ADAD1: variants seen among roughly 807,000 people sequenced by gnomAD.
ADAD1 encodes adenosine deaminase domain containing 1, also known as adenosine deaminase domain-containing protein 1.
ADAD1 carries 46 observed loss-of-function variants against 66.8 expected under a neutral mutation model. That is an observed-to-expected ratio of 0.69 (90% confidence interval 0.54 to 0.88). ADAD1 has a LOEUF of 0.88. Among genes scored for constraint, ADAD1 ranks in the 40% least tolerant of loss-of-function variants. The pLI is 0.00. For synonymous variants in ADAD1, 248 were observed against 229.4 expected (o/e 1.08, Z -0.73); for missense variants, 617 against 681.8 (o/e 0.91, Z 1.06).
intron 7 of ADAD1, among the ~76,000 whole-genome samples, chr4:122,406,089 T>G (rs972283340): frequency 1.3e-5 from 2 of 152,222 alleles, no homozygotes; most frequent in Non-Finnish European, 2.9e-5. Context: ...TTTGGATATA[T>G]ACACAGAAGT....
chr4:122,407,531 A>G (rs997919827), intron 7 of ADAD1, among the ~76,000 whole-genome samples: 5 of 152,198 alleles, frequency 3.3e-5, no homozygotes, highest in African/African-American at 1.2e-4. Flanking sequence ...AGAGGCATTA[A>G]ATATAGATAA....
At chr4:122,394,544 G>A (rs6834379) in intron 6 of ADAD1, among the ~76,000 whole-genome samples, 7,496 of 152,214 alleles carry the variant, frequency 0.049, 261 homozygotes, top group Non-Finnish European at 0.074. Flanking sequence ...GTGTGCTTGC[G>A]TGAAGTAAAA....
At chr4:122,411,087 T>C (rs1796445066) in intron 8 of ADAD1, 135 bp from the exon 9 acceptor site, 1 of 643,664 alleles carries the variant, frequency 1.6e-6, no homozygotes, top group South Asian at 2.8e-5. Flanking sequence ...AAGCTAAGAT[T>C]GATTTAGGAG....
chr4:122,415,688 C>T, intron 11 of ADAD1, 72 bp downstream of exon 11: 1 of 1,305,368 alleles, frequency 7.7e-7, no homozygotes, highest in Non-Finnish European at 1.1e-6. Context: ...AGTTTTTATT[C>T]TGACTCTTTT....
chr4:122,397,560 A>G (rs1345288385), intron 7 of ADAD1, among the ~76,000 whole-genome samples: 3 of 152,234 alleles, frequency 2.0e-5, no homozygotes, highest in Non-Finnish European at 2.9e-5. Context: ...TATTTAAACA[A>G]TAATTGACAA....
chr4:122,392,408 A>G (rs533750509), intron 5 of ADAD1, among the ~76,000 whole-genome samples: 3 of 152,334 alleles, frequency 2.0e-5, no homozygotes, highest in African/African-American at 4.8e-5. Flanking sequence ...AGCAACATGG[A>G]TGGAGCTGGA....
intron 10 of ADAD1, among the ~76,000 whole-genome samples, chr4:122,414,713 T>C (rs1198475655): frequency 6.6e-6 from 1 of 152,136 alleles, no homozygotes; most frequent in East Asian, 1.9e-4. Flanking sequence ...AGAGATATGC[T>C]TTAGAATTAC....
At chr4:122,396,921 C>G (rs934943473) in intron 7 of ADAD1, among the ~76,000 whole-genome samples, 5 of 151,834 alleles carry the variant, frequency 3.3e-5, no homozygotes, top group African/African-American at 1.2e-4. Context: ...ATATACTAGT[C>G]GAAAGTCTAA....
chr4:122,380,374 T>C (rs572034806), intron 3 of ADAD1, 133 bp downstream of exon 3: 6 of 1,083,030 alleles, frequency 5.5e-6, no homozygotes. Flanking sequence ...TACCTGGAGC[T>C]GGCATCTGAC....
intron 7 of ADAD1, among the ~76,000 whole-genome samples, chr4:122,400,629 G>A (rs943787494): frequency 2.0e-5 from 3 of 151,924 alleles, no homozygotes; most frequent in African/African-American, 4.8e-5. Context: ...GAATCTGTTC[G>A]GTTGCGAACT....
intron 12 of ADAD1, among the ~76,000 whole-genome samples, chr4:122,426,722 G>A (rs1797253327): frequency 6.6e-6 from 1 of 152,184 alleles, no homozygotes; most frequent in Non-Finnish European, 1.5e-5. Context: ...ATAAATTCAA[G>A]TTTAAAATTT....
At chr4:122,415,260 G>T in intron 10 of ADAD1, 119 bp from the exon 11 acceptor site, 1 of 728,002 alleles carries the variant, frequency 1.4e-6, no homozygotes. Flanking sequence ...CTAGGAAAGG[G>T]AAGGTTGAAA....
intron 5 of ADAD1, among the ~76,000 whole-genome samples, chr4:122,388,814 A>T (rs149516901): frequency 6.6e-6 from 1 of 152,214 alleles, no homozygotes; most frequent in African/African-American, 2.4e-5. Context: ...CAAAGAAAAA[A>T]AACAGCTTCT....
intron 5 of ADAD1, among the ~76,000 whole-genome samples, chr4:122,384,620 G>T (rs1795071337): frequency 6.6e-6 from 1 of 152,134 alleles, no homozygotes; most frequent in African/African-American, 2.4e-5. Context: ...TTGAACTCAA[G>T]TTAAAACATA....
At chr4:122,384,639 A>G (rs778019945) in intron 5 of ADAD1, among the ~76,000 whole-genome samples, 134 of 152,328 alleles carry the variant, frequency 8.8e-4, no homozygotes, top group Non-Finnish European at 9.4e-4. Context: ...TACCTATAGA[A>G]TTTCCTAAGC....
At chr4:122,383,663 A>G in intron 4 of ADAD1, 136 bp from the exon 5 acceptor site, 6 of 980,628 alleles carry the variant, frequency 6.1e-6, no homozygotes, top group Non-Finnish European at 8.9e-6. Context: ...TTGGTCCTAC[A>G]AAAGGACTTG....
intron 7 of ADAD1, among the ~76,000 whole-genome samples, chr4:122,401,480 G>C (rs1359248157): frequency 6.6e-6 from 1 of 152,062 alleles, no homozygotes; most frequent in Non-Finnish European, 1.5e-5. Flanking sequence ...GCAGTTGTTG[G>C]ATAGAATGTT....
chr4:122,407,931 A>G lies in ADAD1; in HGVS notation c.748A>G (p.Ile250Val), dbSNP rs746305813. The stretch of plus-strand genomic sequence containing the variant: ...AGCTGGACAACATGAGGTTGTAGCT[A>G]TAGGCACAGGTGAATACAATTACAG... ...ERAGQHEVVA[I>V]GTGEYNYSQD... Residue 250 changes from isoleucine (I) to valine (V), a missense_variant, in exon 8 of 13, where the codon ATA becomes GTA. Transcript: ENST00000296513. 9.3e-6 allele frequency: 15 copies of G among 1,613,558 alleles called. No homozygotes were observed. Among genetic ancestry groups the G allele is most frequent in the East Asian group, 2.2e-5 (1 of 44,836 alleles).
At chr4:122,395,907 G>C (rs1363634054) in intron 6 of ADAD1, among the ~76,000 whole-genome samples, 1 of 152,216 alleles carries the variant, frequency 6.6e-6, no homozygotes, top group African/African-American at 2.4e-5. Flanking sequence ...TCAGTGGGGT[G>C]CTGGTCATCT....
Sources: allele counts gnomAD v4.1 joint callset (sites outside exome capture counted in the v4.1 genomes callset), GRCh38; gene constraint gnomAD v4.1.1; transcripts MANE v1.5; gene names NCBI Gene and HGNC (gene_info 2026-07-23, HGNC 2026-07-21).